The following TBC1D22A variants were observed in gnomAD, a reference collection of about 807,000 sequenced individuals.
TBC1D22A encodes the protein TBC1 domain family member 22A.
In TBC1D22A, 38 loss-of-function variants were observed where a neutral mutation model predicts 60.2. That is an observed-to-expected ratio of 0.63 (90% CI 0.49 to 0.83). TBC1D22A has a LOEUF of 0.83. Ranked by LOEUF, TBC1D22A falls within the 40% of genes least tolerant of loss-of-function variation. The pLI is 0.00. For missense variants in TBC1D22A, 628 were observed against 701.0 expected, an observed-to-expected ratio of 0.90 and a Z score of 1.18; for synonymous variants, 302 against 281.7, an observed-to-expected ratio of 1.07 and a Z score of -0.72.
At chr22:47,152,888 T>C (rs2067561948) in intron 12 of TBC1D22A, among the ~76,000 whole-genome samples, 1 of 151,992 alleles carries the variant, frequency 6.6e-6, no homozygotes, top group African/African-American at 2.4e-5. Context: ...GGAGACCCCC[T>C]GAGAGCGTTA....
intron 12 of TBC1D22A, among the ~76,000 whole-genome samples, chr22:47,121,812 C>T (rs1009315401): frequency 3.3e-5 from 5 of 151,782 alleles, no homozygotes; most frequent in South Asian, 2.1e-4. Flanking sequence ...TGTGGGGATT[C>T]GGCTGCTTTG....
intron 4 of TBC1D22A, among the ~76,000 whole-genome samples, chr22:46,833,264 T>C (rs1376789908): frequency 2.0e-5 from 3 of 152,226 alleles, no homozygotes; most frequent in Non-Finnish European, 4.4e-5. Flanking sequence ...ACCATACTTA[T>C]AGGAAGCTTA....
chr22:47,082,607 G>A (rs1405897120), intron 11 of TBC1D22A, among the ~76,000 whole-genome samples: 5 of 152,204 alleles, frequency 3.3e-5, no homozygotes, highest in Admixed American at 1.3e-4. Context: ...TATTCTGATG[G>A]CCAACAAACA....
intron 5 of TBC1D22A, among the ~76,000 whole-genome samples, chr22:46,879,048 TTGAAA>T (rs2067714719): frequency 1.3e-5 from 2 of 151,964 alleles, no homozygotes; most frequent in Non-Finnish European, 2.9e-5. Context: ...CTCCGAGGAG[TTGAAA>T]CAGGGAAATA....
At position 47,009,354 on chromosome 22, in the gene TBC1D22A, ATCATCACCATCACCATCATCATT is replaced by A. The variant is rs1259736448; in HGVS notation, c.1201+11665_1201+11687del. 6.0e-4 allele frequency among the ~76,000 whole-genome samples: 91 copies of A among 151,882 alleles called. 2 individuals carry two copies. Among genetic ancestry groups the A allele is most frequent in the African/African-American group, 2.1e-3 (88 of 41,398 alleles). Reference sequence around the variant, plus strand: ...CCATCATTATGTCATCACCACCATCATCATCACCATCACCATCATCATTTCATCACCATCACCATCATTTCCAT... The same window carrying A: ...CCATCATTATGTCATCACCACCATCATCATCACCATCACCATCATTTCCAT... On this transcript the variant is annotated intron_variant, in intron 10 of 12. Transcript: ENST00000337137. The surrounding 1 kb of genome is among the most constrained non-coding windows in gnomAD (Gnocchi z 5.8).
chr22:46,856,693 T>C (rs1050845553), intron 4 of TBC1D22A, among the ~76,000 whole-genome samples: 42 of 152,218 alleles, frequency 2.8e-4, no homozygotes, highest in African/African-American at 9.9e-4. Flanking sequence ...TTCCTTGCTA[T>C]AGACTTTGAA....
intron 7 of TBC1D22A, among the ~76,000 whole-genome samples, chr22:46,903,829 G>A (rs4823583): frequency 0.23 from 34,666 of 151,982 alleles, 4,308 homozygotes; most frequent in East Asian, 0.54. Context: ...TGGAGGCACT[G>A]GGTAGTGGTT....
At chr22:47,112,176 C>T (rs997104079) in intron 12 of TBC1D22A, among the ~76,000 whole-genome samples, 2 of 152,246 alleles carry the variant, frequency 1.3e-5, no homozygotes, top group African/African-American at 4.8e-5. Flanking sequence ...TAGTGTCCAG[C>T]CCCTGACCCA....
At chr22:47,138,306 G>A (rs893096942) in intron 12 of TBC1D22A, among the ~76,000 whole-genome samples, 13 of 152,188 alleles carry the variant, frequency 8.5e-5, no homozygotes, top group East Asian at 5.8e-4. Context: ...AGGCACTTTC[G>A]GCCTCTGGGG....
intron 12 of TBC1D22A, among the ~76,000 whole-genome samples, chr22:47,126,486 T>C (rs1253192133): frequency 6.6e-6 from 1 of 152,222 alleles, no homozygotes; most frequent in Non-Finnish European, 1.5e-5. Flanking sequence ...ATCCTGTCTC[T>C]GCAGCCTGGT....
At chr22:46,794,043 T>C (rs1043605352) in intron 3 of TBC1D22A, among the ~76,000 whole-genome samples, 33 of 152,190 alleles carry the variant, frequency 2.2e-4, no homozygotes, top group African/African-American at 7.7e-4. Flanking sequence ...TGCTTTCTTC[T>C]GTCCTAGCTA....
chr22:46,916,714 G>A (rs2070391423), intron 8 of TBC1D22A, among the ~76,000 whole-genome samples: 1 of 152,224 alleles, frequency 6.6e-6, no homozygotes, highest in South Asian at 2.1e-4. Flanking sequence ...TGTCATTGGA[G>A]AAAGAGGTCA....
chr22:46,789,337 G>T (rs548991206), intron 1 of TBC1D22A: 15 of 449,252 alleles, frequency 3.3e-5, no homozygotes, highest in African/African-American at 3.1e-4. Flanking sequence ...GTGTTATCCA[G>T]GATGGTCTCG....
intron 11 of TBC1D22A, among the ~76,000 whole-genome samples, chr22:47,049,900 G>C (rs967539418): frequency 6.6e-5 from 10 of 152,242 alleles, no homozygotes; most frequent in African/African-American, 2.4e-4. Context: ...GAAAGGGGCT[G>C]CAGGGTGAAC....
chr22:46,841,365 T>A (rs2086764063), intron 4 of TBC1D22A, among the ~76,000 whole-genome samples: 1 of 152,228 alleles, frequency 6.6e-6, no homozygotes, highest in African/African-American at 2.4e-5. Context: ...AGGGCCGTTG[T>A]CAGACACCTA....
At position 47,079,084 on chromosome 22, in the gene TBC1D22A, C is replaced by CTTTTTTTT. The variant is rs35269996; in HGVS notation, c.1330-32411_1330-32404dup. On this transcript the variant is annotated intron_variant, in intron 11 of 12. Coordinates refer to ENST00000337137, the MANE Select transcript of TBC1D22A (RefSeq NM_014346.5). ...TGGGTAAGTGAGAATGTAGAGCAGACTTTTTTTTTTTTTTTTTTTTGAGAC... is the reference window on the plus strand; with the variant it reads ...TGGGTAAGTGAGAATGTAGAGCAGACTTTTTTTTTTTTTTTTTTTTTTTTTTTTGAGAC... Among the ~76,000 whole-genome samples, 7 of 124,932 alleles carry CTTTTTTTT rather than the reference C, an allele frequency of 5.6e-5. No individual in the cohort carries two copies. The East Asian group carries it at 1.7e-3, about 30-fold the overall frequency. The allele number at this position is 124,932 out of a possible 152,430, so 82.0% of individuals were successfully genotyped here.
intron 8 of TBC1D22A, among the ~76,000 whole-genome samples, chr22:46,952,264 C>CTA (rs141169118): frequency 2.0e-5 from 3 of 152,316 alleles, no homozygotes; most frequent in African/African-American, 7.2e-5. Context: ...GGACCCTGTC[C>CTA]CTCCTCACCA....
intron 10 of TBC1D22A, among the ~76,000 whole-genome samples, chr22:47,011,786 A>C (rs1034441254): frequency 2.0e-5 from 3 of 152,156 alleles, no homozygotes; most frequent in Non-Finnish European, 4.4e-5. Context: ...TCCTCATCCT[A>C]CTGCCCTTTA....
At chr22:47,001,507 G>T (rs1193033645) in intron 10 of TBC1D22A, among the ~76,000 whole-genome samples, 1 of 149,160 alleles carries the variant, frequency 6.7e-6, no homozygotes, top group Non-Finnish European at 1.5e-5. Flanking sequence ...ATATGCCATT[G>T]AAACTTACCT....
Sources: allele counts gnomAD v4.1 joint callset (sites outside exome capture counted in the v4.1 genomes callset), GRCh38; gene constraint gnomAD v4.1.1; non-coding constraint Gnocchi (gnomAD v3.1); transcripts MANE v1.5; gene names NCBI Gene and HGNC (gene_info 2026-07-23, HGNC 2026-07-21).